The following COL4A5 variants were observed in gnomAD, a reference collection of about 807,000 sequenced individuals.
COL4A5 encodes the protein collagen type IV alpha 5 chain.
In COL4A5, 26 loss-of-function variants were observed where a neutral mutation model predicts 130.2. The observed-to-expected ratio is 0.20, with a 90% CI of 0.15 to 0.28. The LOEUF is 0.28. COL4A5 is among the 10% of genes least tolerant of loss of function. COL4A5 has a pLI of 1.00. For missense variants in COL4A5, 1,131 were observed against 1,344.3 expected, an observed-to-expected ratio of 0.84 and a Z score of 2.48; for synonymous variants, 496 against 439.6, an observed-to-expected ratio of 1.13 and a Z score of -1.60.
chrX:108,618,669 T>A, intron 30 of COL4A5, among the ~76,000 whole-genome samples: 1 of 111,274 alleles, frequency 9.0e-6, no homozygotes, highest in Admixed American at 9.6e-5. Flanking sequence ...CGAGGTCTAA[T>A]AACTTCTATT....
chrX:108,590,253 T>C (rs2066409735), intron 19 of COL4A5, among the ~76,000 whole-genome samples: 1 of 111,433 alleles, frequency 9.0e-6, no homozygotes, highest in Admixed American at 9.5e-5. Flanking sequence ...TGGCCAGATC[T>C]GAGTAGCATA....
intron 48 of COL4A5, 107 bp downstream of exon 48, chrX:108,686,236 G>A: frequency 1.6e-6 from 1 of 606,506 alleles, no homozygotes; most frequent in Non-Finnish European, 2.8e-6. Flanking sequence ...CTTGATGTTA[G>A]CATAGCTGAC....
chrX:108,528,536 CTT>C (rs2065349402), intron 1 of COL4A5, among the ~76,000 whole-genome samples: 2 of 112,357 alleles, frequency 1.8e-5, no homozygotes, highest in African/African-American at 6.5e-5. Flanking sequence ...CAAAAAGACA[CTT>C]TTGAAATTCC....
At chrX:108,662,416 A>G (rs2067979097) in intron 37 of COL4A5, among the ~76,000 whole-genome samples, 1 of 111,499 alleles carries the variant, frequency 9.0e-6, no homozygotes, top group African/African-American at 3.3e-5. Context: ...TGAGTTACAT[A>G]GTAGACAGAA....
intron 29 of COL4A5, among the ~76,000 whole-genome samples, chrX:108,608,862 C>T (rs776506586): frequency 1.2e-4 from 13 of 111,520 alleles, no homozygotes; most frequent in Non-Finnish European, 1.9e-4. Context: ...TAAGTTATTT[C>T]GCCTGTTAAC....
chrX:108,443,175 A>G (rs1446815080), intron 1 of COL4A5: 4 of 112,043 alleles, frequency 3.6e-5, no homozygotes, highest in Non-Finnish European at 7.5e-5. Flanking sequence ...GCATGGTGTA[A>G]TGGAAATAGC....
rs746922814 is a variant in COL4A5, at chrX:108,448,793, G to A, written c.81+8587G>A. On this transcript the variant is annotated intron_variant, in intron 1 of 52. Coordinates refer to ENST00000328300, the MANE Select transcript of COL4A5 (RefSeq NM_033380.3). ...AGTTTGGAGGTTGATTATCTCCAAA[G>A]TTAATTAATTCAGCCAAATAATGAC... Among the ~76,000 whole-genome samples the A allele has an allele frequency of 3.1e-3, 343 of 111,742 alleles. 2 individuals carry two copies. Among genetic ancestry groups the A allele is most frequent in the African/African-American group, 0.01 (322 of 30,759 alleles).
chrX:108,664,397 C>T (rs1405974971), intron 37 of COL4A5, among the ~76,000 whole-genome samples: 3 of 111,609 alleles, frequency 2.7e-5, no homozygotes, highest in Non-Finnish European at 5.6e-5. Context: ...TCATACATTA[C>T]ATCATACAGA....
chrX:108,665,676 A>T, intron 38 of COL4A5, 89 bp downstream of exon 38: 1 of 612,258 alleles, frequency 1.6e-6, no homozygotes, highest in Non-Finnish European at 2.7e-6. Flanking sequence ...TCAGCTGTGA[A>T]CATTTTCAAC....
At chrX:108,642,848 CAA>C (rs35804797) in intron 36 of COL4A5, among the ~76,000 whole-genome samples, 962 of 34,612 alleles carry the variant, frequency 0.028, 22 homozygotes, top group African/African-American at 0.067. Context: ...TCCCCCTCTC[CAA>C]AAAAAAAAAA....
intron 2 of COL4A5, among the ~76,000 whole-genome samples, chrX:108,550,727 AT>A (rs899178925): frequency 9.0e-6 from 1 of 110,847 alleles, no homozygotes; most frequent in African/African-American, 3.3e-5. Context: ...GGAAGAAATA[AT>A]TTTTTTTGTT....
intron 1 of COL4A5, among the ~76,000 whole-genome samples, chrX:108,532,104 T>A (rs1264850517): frequency 9.0e-6 from 1 of 111,583 alleles, no homozygotes; most frequent in Non-Finnish European, 1.9e-5. Context: ...AGCATCACCC[T>A]GATATGAAAA....
At chrX:108,666,734 T>A (rs750591724) in intron 39 of COL4A5, 140 bp downstream of exon 39, 1 of 548,060 alleles carries the variant, frequency 1.8e-6, no homozygotes, top group Non-Finnish European at 3.1e-6. Context: ...AGTTACCGTC[T>A]TCCTCTTCAT....
At chrX:108,616,348 G>C (rs1388679018) in intron 30 of COL4A5, among the ~76,000 whole-genome samples, 1 of 110,246 alleles carries the variant, frequency 9.1e-6, no homozygotes, top group Non-Finnish European at 1.9e-5. Context: ...CGATTCTCCT[G>C]CCTCAGCCTC....
chrX:108,456,874 A>G (rs763961226), intron 1 of COL4A5, among the ~76,000 whole-genome samples: 1 of 112,145 alleles, frequency 8.9e-6, no homozygotes, highest in East Asian at 2.8e-4. Context: ...CAAGCCTTTA[A>G]TCACTTAGTG....
chrX:108,580,607 A>G, intron 14 of COL4A5, 21 bp downstream of exon 14: 1 of 1,203,002 alleles, frequency 8.3e-7, no homozygotes, highest in South Asian at 1.8e-5. Flanking sequence ...AAAGTGCTTT[A>G]GCATCATTTA....
At chrX:108,596,804 A>T (rs1188087141) in intron 22 of COL4A5, among the ~76,000 whole-genome samples, 194 bp from the exon 23 acceptor site, 6 of 112,132 alleles carry the variant, frequency 5.4e-5, no homozygotes, top group African/African-American at 1.9e-4. Flanking sequence ...TTTATTTTTT[A>T]AAAAGGATGA....
At chrX:108,666,631 TTC>T (rs757290607) in intron 39 of COL4A5, 37 bp downstream of exon 39, 7 of 1,087,008 alleles carry the variant, frequency 6.4e-6, no homozygotes, top group Non-Finnish European at 8.8e-6. Flanking sequence ...TTTTCTAATT[TTC>T]TCTGTGTTGA....
rs1297723594 is a variant in COL4A5 at position 108,467,504 on chromosome X, T to G, written c.81+27298T>G. Among the ~76,000 whole-genome samples the G allele has an allele frequency of 8.1e-5, 9 of 111,650 alleles. No homozygotes were observed. In the Admixed American group the frequency reaches 8.6e-4, roughly 11 times the overall value. On this transcript the variant is annotated intron_variant, in intron 1 of 52. Transcript: ENST00000328300. ...AGGGCCCCTTGCAATTCCATATGAA[T>G]TTGAAGATTGACTTTACTATTACTC... is the stretch of plus-strand genomic sequence containing the variant.
Sources: gnomAD v4.1 joint callset for allele counts (sites outside exome capture counted in the v4.1 genomes callset) on GRCh38, gnomAD v4.1.1 for gene constraint, MANE v1.5 for transcripts, NCBI Gene and HGNC (gene_info 2026-07-23, HGNC 2026-07-21) for gene names.